Variants in AKAP7 observed in about 807,000 individuals in gnomAD.
The protein encoded by AKAP7 is A kinase (PRKA) anchor protein 7.
A neutral mutation model predicts 39.5 loss-of-function variants in AKAP7; 39 were observed. The observed-to-expected ratio is 0.99, with a 90% confidence interval of 0.76 to 1.29. AKAP7 has a LOEUF of 1.29. Ranked by LOEUF, AKAP7 falls within the 50% of genes most tolerant of loss-of-function variation. The probability of loss-of-function intolerance (pLI) is 0.00; values close to 1 mark genes in which losing one functional copy is unlikely to be tolerated. For missense variants in AKAP7, 414 were observed against 407.7 expected (o/e 1.02, Z -0.13); for synonymous variants, 140 against 139.1 (o/e 1.01, Z -0.05).
intron 5 of AKAP7, among the ~76,000 whole-genome samples, chr6:131,169,507 A>G (rs1389755709): frequency 6.6e-6 from 1 of 152,216 alleles, no homozygotes; most frequent in Non-Finnish European, 1.5e-5. Context: ...TTGGTTGCCT[A>G]TTCAGAGGCT....
At chr6:131,271,267 G>A (rs1814250995) in intron 7 of AKAP7, among the ~76,000 whole-genome samples, 1 of 151,974 alleles carries the variant, frequency 6.6e-6, no homozygotes, top group Non-Finnish European at 1.5e-5. Flanking sequence ...TCTTTATTTT[G>A]CATATGGATA....
chr6:131,178,874 C>T (rs1312544086), intron 5 of AKAP7, among the ~76,000 whole-genome samples: 1 of 152,188 alleles, frequency 6.6e-6, no homozygotes, highest in African/African-American at 2.4e-5. Flanking sequence ...GGTCCACTGC[C>T]TATATCTCCT....
intron 5 of AKAP7, 86 bp from the exon 6 acceptor site, chr6:131,199,375 T>C (rs1156850982): frequency 1.2e-6 from 1 of 868,978 alleles, no homozygotes; most frequent in Non-Finnish European, 1.8e-6. Flanking sequence ...TAATTAGTGA[T>C]TGTTTGAACT....
intron 5 of AKAP7, among the ~76,000 whole-genome samples, chr6:131,178,160 G>A (rs1360934087): frequency 1.3e-5 from 2 of 152,060 alleles, no homozygotes; most frequent in African/African-American, 2.4e-5. Flanking sequence ...TCAGTAGCAC[G>A]AGCACAATCT....
At chr6:131,174,276 CACT>C (rs1438085969) in intron 5 of AKAP7, among the ~76,000 whole-genome samples, 1 of 152,156 alleles carries the variant, frequency 6.6e-6, no homozygotes, top group Non-Finnish European at 1.5e-5. Flanking sequence ...AAACTTTATT[CACT>C]TACTGAAGCA....
chr6:131,199,571 A>G lies in AKAP7; in HGVS notation c.700A>G (p.Asn234Asp), dbSNP rs1264403234. 6.3e-7 allele frequency: 1 copy of G among 1,590,794 alleles called. No individual in the cohort carries two copies. Among genetic ancestry groups the G allele is most frequent in the Non-Finnish European group, 8.6e-7 (1 of 1,158,888 alleles). The change falls in exon 6 of 8, where the codon AAT becomes GAT. Residue 234 changes from asparagine (N) to aspartate (D), a missense_variant and splice_region_variant. By Grantham distance (23) the Asn-to-Asp change is conservative (BLOSUM62 1). Coordinates refer to ENST00000431975, the MANE Select transcript of AKAP7 (RefSeq NM_016377.4). ...KLSKSPWLRKNGVKKIDPDLY... is the reference protein window; with the variant it reads ...KLSKSPWLRKDGVKKIDPDLY... ...GTCAAAATCACCGTGGCTCCGTAAG[A>G]ATGTGAGTGCATGTTCTTATTGCAA...
chr6:131,245,243 CT>C lies in AKAP7; in HGVS notation c.850+25452del, dbSNP rs1240021057. ...TGGATTGATTATTGAGAGTTGAATT[CT>C]TTTTTTTTTTTTTTTTCTTGAGATG... On this transcript the variant is annotated intron_variant, in intron 7 of 7. Transcript: ENST00000431975. Among the ~76,000 whole-genome samples, 439 of 135,180 alleles carry C rather than the reference CT, an allele frequency of 3.2e-3. 1 individual carries two copies. The highest frequency in any genetic ancestry group is 6.6e-3 in the African/African-American group (245 of 37,184). The allele number at this position is 135,180 out of a possible 152,430, so 88.7% of individuals were successfully genotyped here. A position where few individuals can be genotyped will look rare whatever the true frequency, so the allele number is the denominator to read the frequency against.
Position 131,227,961 on chromosome 6 carries a change from T to G in AKAP7, c.850+8153T>G, listed in dbSNP as rs143122014. Among the ~76,000 whole-genome samples, 249 of 152,298 alleles carry G rather than the reference T, an allele frequency of 1.6e-3. 2 individuals carry two copies. The highest frequency in any genetic ancestry group is 5.8e-3 in the African/African-American group (240 of 41,572). ...ATTTCTAGTAGTCATATGAGGGCAG[T>G]AGTTCAGCCAAAAAGAAAAGACCTT... On this transcript the variant is annotated intron_variant, in intron 7 of 7. Coordinates refer to ENST00000431975, the MANE Select transcript of AKAP7 (RefSeq NM_016377.4).
rs557379087 is a variant in AKAP7 at position 131,246,348 on chromosome 6, G to A, written c.850+26540G>A. On this transcript the variant is annotated intron_variant, in intron 7 of 7. Transcript: ENST00000431975. ...GCAAATATAGGCAACTGTCCTAACC[G>A]TGATTGGTCTGTAGCCAGGCCTGGG... Among the ~76,000 whole-genome samples the A allele has an allele frequency of 6.6e-5, 10 of 152,210 alleles. No homozygotes were observed. In the East Asian group the frequency reaches 1.4e-3, roughly 21 times the overall value.
chr6:131,186,361 TC>T (rs1420333656), intron 5 of AKAP7, among the ~76,000 whole-genome samples: 11 of 152,280 alleles, frequency 7.2e-5, no homozygotes, highest in African/African-American at 2.6e-4. Context: ...GCATTATGCT[TC>T]CTGTACAGCC....
chr6:131,241,615 G>GTATACGTATATATA (rs1461603235), intron 7 of AKAP7, among the ~76,000 whole-genome samples: 32 of 101,406 alleles, frequency 3.2e-4, no homozygotes, highest in Non-Finnish European at 5.1e-4. Flanking sequence ...GTGTGTGTGT[G>GTATACGTATATATA]TGTGTGTGTG....
chr6:131,245,651 G>A (rs1327612633), intron 7 of AKAP7, among the ~76,000 whole-genome samples: 1 of 151,972 alleles, frequency 6.6e-6, no homozygotes, highest in Non-Finnish European at 1.5e-5. Context: ...AGCACTTCTT[G>A]AACTTAACAT....
intron 5 of AKAP7, among the ~76,000 whole-genome samples, chr6:131,180,376 T>G (rs1194143647): frequency 6.6e-6 from 1 of 152,204 alleles, no homozygotes; most frequent in East Asian, 1.9e-4. Flanking sequence ...CCAACTTTAC[T>G]TGCTCAATAA....
intron 7 of AKAP7, among the ~76,000 whole-genome samples, chr6:131,264,667 A>G (rs1386902309): frequency 6.6e-6 from 1 of 152,166 alleles, no homozygotes; most frequent in Non-Finnish European, 1.5e-5. Flanking sequence ...ATGTTAGGCC[A>G]TTTTTGTGTT....
intron 5 of AKAP7, among the ~76,000 whole-genome samples, chr6:131,193,690 T>C (rs937612533): frequency 3.3e-5 from 5 of 152,154 alleles, no homozygotes; most frequent in African/African-American, 1.2e-4. Context: ...CCCAAGCTTT[T>C]CATTGCTGGG....
At chr6:131,169,820 TTCATGTCATG>T (rs902783603) in intron 5 of AKAP7, among the ~76,000 whole-genome samples, 2 of 151,966 alleles carry the variant, frequency 1.3e-5, no homozygotes, top group Non-Finnish European at 2.9e-5. Context: ...TTCACTTCAT[TTCATGTCATG>T]TCATGTCATG....
chr6:131,186,802 A>G (rs1045695373), intron 5 of AKAP7, among the ~76,000 whole-genome samples: 1 of 147,078 alleles, frequency 6.8e-6, no homozygotes. Flanking sequence ...AATCCCATTA[A>G]TGAAGGCAGA....
chr6:131,177,726 AG>A (rs1804722641), intron 5 of AKAP7, among the ~76,000 whole-genome samples: 1 of 152,254 alleles, frequency 6.6e-6, no homozygotes, highest in Non-Finnish European at 1.5e-5. Flanking sequence ...GTAATTTGTT[AG>A]TGAGTAGTGG....
At chr6:131,175,888 C>G (rs1804523851) in intron 5 of AKAP7, among the ~76,000 whole-genome samples, 1 of 152,182 alleles carries the variant, frequency 6.6e-6, no homozygotes, top group South Asian at 2.1e-4. Context: ...TTCTCCACAA[C>G]TATCCACTTC....
Sources: allele counts gnomAD v4.1 joint callset (sites outside exome capture counted in the v4.1 genomes callset), GRCh38; gene constraint gnomAD v4.1.1; transcripts MANE v1.5; gene names NCBI Gene and HGNC (gene_info 2026-07-23, HGNC 2026-07-21).